The following RBFOX1 variants were observed in gnomAD, a reference collection of about 807,000 sequenced individuals.
RBFOX1 encodes the protein RNA binding fox-1 homolog 1.
A neutral mutation model predicts 57.7 loss-of-function variants in RBFOX1; 8 were observed. The observed-to-expected ratio is 0.14, with a 90% CI of 0.08 to 0.25. The LOEUF (loss-of-function observed/expected upper bound fraction) is 0.25, where lower values mean the gene tolerates loss of function less well. RBFOX1 is among the 10% of genes least tolerant of loss of function. RBFOX1 has a pLI of 1.00. For synonymous variants in RBFOX1, 326 were observed against 222.4 expected, an observed-to-expected ratio of 1.47 and a Z score of -4.15; for missense variants, 611 against 548.5, an observed-to-expected ratio of 1.11 and a Z score of -1.14.
intron 4 of RBFOX1, among the ~76,000 whole-genome samples, chr16:7,190,933 T>A (rs77314041): frequency 1.1e-3 from 172 of 152,260 alleles, no homozygotes; most frequent in African/African-American, 3.9e-3. Flanking sequence ...ACCTTTTTTT[T>A]TTCCTGGACT....
chr16:7,106,641 G>A (rs913371425), intron 4 of RBFOX1, among the ~76,000 whole-genome samples: 4 of 151,938 alleles, frequency 2.6e-5, no homozygotes, highest in Non-Finnish European at 5.9e-5. Flanking sequence ...TTTATTTCTT[G>A]TGTAATGATT....
At chr16:6,433,656 G>C (rs185823167) in intron 2 of RBFOX1, among the ~76,000 whole-genome samples, 34 of 152,218 alleles carry the variant, frequency 2.2e-4, no homozygotes, top group Admixed American at 2.0e-3. Context: ...ATAAAATCCA[G>C]GTGTTAGCAG....
rs762585182 is a variant in RBFOX1, at chr16:6,019,094, C to G, written c.-1025C>G. 13 of 984,476 alleles carry G rather than the reference C, an allele frequency of 1.3e-5. No individual in the cohort carries two copies. Among genetic ancestry groups the G allele is most frequent in the Non-Finnish European group, 1.4e-5 (12 of 829,632 alleles). 61.0% of individuals were successfully genotyped at this position (984,476 alleles called of 1,614,324 possible). On this transcript the variant is annotated 5_prime_UTR_variant, in exon 1 of 16. Transcript: ENST00000550418. This position sits in a 1 kb window ranked among gnomAD's most constrained non-coding sequence, Gnocchi z 4.2. The stretch of plus-strand genomic sequence containing the variant: ...GCGCTCACACACACACAGACACACA[C>G]GCACACACACACATGCACACATTTT...
Position 7,270,055 on chromosome 16 carries a change from A to G in RBFOX1, c.27+217957A>G, listed in dbSNP as rs189942888. Reference sequence around the variant, plus strand: ...TATCATGCTCTTAACACAATGTGAAATACTGTGGAAAGTAGATACTACTGT... The same window carrying G: ...TATCATGCTCTTAACACAATGTGAAGTACTGTGGAAAGTAGATACTACTGT... On this transcript the variant is annotated intron_variant, in intron 4 of 15. Coordinates refer to ENST00000550418, the MANE Select transcript of RBFOX1 (RefSeq NM_018723.4). Among the ~76,000 whole-genome samples, 65 of 152,338 alleles carry G rather than the reference A, an allele frequency of 4.3e-4. No homozygotes were observed. In the East Asian group the frequency reaches 0.012, roughly 28 times the overall value.
chr16:5,787,206 G>A (rs181245938), intron 3 of RBFOX1, among the ~76,000 whole-genome samples: 25 of 152,266 alleles, frequency 1.6e-4, no homozygotes, highest in Admixed American at 1.3e-3. Flanking sequence ...TGACTCCACA[G>A]GGCCCTTTCA....
intron 3 of RBFOX1, among the ~76,000 whole-genome samples, chr16:5,797,300 G>C (rs886728182): frequency 6.6e-6 from 1 of 152,184 alleles, no homozygotes; most frequent in Non-Finnish European, 1.5e-5. Context: ...GGACATCTTT[G>C]GGGTAGGCAG....
intron 2 of RBFOX1, among the ~76,000 whole-genome samples, chr16:5,544,086 G>A (rs147414107): frequency 2.6e-5 from 4 of 152,192 alleles, no homozygotes; most frequent in Admixed American, 1.3e-4. Context: ...AGCTTACAGA[G>A]CCCACCACCC....
At chr16:6,581,167 C>T (rs967279627) in intron 2 of RBFOX1, among the ~76,000 whole-genome samples, 2 of 152,124 alleles carry the variant, frequency 1.3e-5, no homozygotes, top group East Asian at 1.9e-4. Flanking sequence ...TGAGTTCCTG[C>T]GCCACGCCCA....
intron 2 of RBFOX1, among the ~76,000 whole-genome samples, chr16:6,534,597 C>T (rs900407385): frequency 1.3e-5 from 2 of 152,096 alleles, no homozygotes; most frequent in Non-Finnish European, 2.9e-5. Context: ...AATATTGATA[C>T]CCGGGTGATT....
At chr16:7,145,902 A>C (rs2074868866) in intron 4 of RBFOX1, among the ~76,000 whole-genome samples, 1 of 152,116 alleles carries the variant, frequency 6.6e-6, no homozygotes, top group African/African-American at 2.4e-5. Flanking sequence ...CATCCCCTCA[A>C]GTCCATGACC....
chr16:6,014,223 T>C (rs2094979739), upstream of RBFOX1, among the ~76,000 whole-genome samples: 2 of 149,562 alleles, frequency 1.3e-5, no homozygotes, highest in Admixed American at 1.4e-4. Flanking sequence ...CTTGTTGCTT[T>C]TGTAGCTGTT....
At chr16:6,597,740 C>T (rs1452566807) in intron 2 of RBFOX1, among the ~76,000 whole-genome samples, 4 of 152,132 alleles carry the variant, frequency 2.6e-5, no homozygotes, top group Non-Finnish European at 5.9e-5. Flanking sequence ...AAGAAGTCCA[C>T]AGGAAAGGTA....
chr16:6,881,045 C>T (rs1181767378), intron 3 of RBFOX1, among the ~76,000 whole-genome samples: 1 of 152,302 alleles, frequency 6.6e-6, no homozygotes, highest in South Asian at 2.1e-4. Flanking sequence ...CCCTCCTATG[C>T]CTGTGGCAGA....
intron 1 of RBFOX1, among the ~76,000 whole-genome samples, chr16:6,055,209 A>G (rs1011582149): frequency 1.3e-5 from 2 of 152,084 alleles, no homozygotes; most frequent in African/African-American, 4.8e-5. Context: ...AAAAGCACTT[A>G]TTATCTTTCT....
intron 1 of RBFOX1, among the ~76,000 whole-genome samples, chr16:5,292,727 G>A (rs775601443): frequency 7.2e-5 from 11 of 152,138 alleles, no homozygotes; most frequent in South Asian, 2.1e-4. Flanking sequence ...TGGTTCAAGC[G>A]ATTCTCCTGC....
chr16:5,628,831 G>T (rs2151298793), intron 3 of RBFOX1, among the ~76,000 whole-genome samples: 1 of 152,318 alleles, frequency 6.6e-6, no homozygotes, highest in South Asian at 2.1e-4. Context: ...ACCCTTGTCT[G>T]TCCTATTCTA....
chr16:7,500,750 CCCAATAACCTTTACAA>C (rs1339474475), intron 4 of RBFOX1, among the ~76,000 whole-genome samples: 3 of 152,176 alleles, frequency 2.0e-5, no homozygotes, highest in Non-Finnish European at 4.4e-5. Context: ...TTTAAATGCT[CCCAATAACCTTTACAA>C]CCTATCCCAT....
chr16:7,420,956 C>CAT (rs1568795032), intron 4 of RBFOX1, among the ~76,000 whole-genome samples: 22 of 148,822 alleles, frequency 1.5e-4, no homozygotes, highest in African/African-American at 5.2e-4. Flanking sequence ...CACACACACA[C>CAT]ACACATATAT....
chr16:5,892,688 C>G (rs192451859), intron 4 of RBFOX1, among the ~76,000 whole-genome samples: 1 of 152,146 alleles, frequency 6.6e-6, no homozygotes, highest in Non-Finnish European at 1.5e-5. Context: ...GCTTCCCAGA[C>G]GGGATTCCTA....
Sources: gnomAD v4.1 joint callset for allele counts (sites outside exome capture counted in the v4.1 genomes callset) on GRCh38, gnomAD v4.1.1 for gene constraint, Gnocchi (gnomAD v3.1) non-coding constraint, MANE v1.5 for transcripts, NCBI Gene and HGNC (gene_info 2026-07-23, HGNC 2026-07-21) for gene names.